The following ELP1 variants were observed in gnomAD, a reference collection of about 807,000 sequenced individuals.
The protein encoded by ELP1 is elongator acetyltransferase complex subunit 1, also known as elongator complex protein 1.
ELP1 carries 131 observed loss-of-function variants against 183.2 expected under a neutral mutation model. The observed-to-expected ratio is 0.72, with a 90% CI of 0.62 to 0.83. The LOEUF (loss-of-function observed/expected upper bound fraction) is 0.83. Ranked by LOEUF, ELP1 falls within the 40% of genes least tolerant of loss-of-function variation. The pLI is 0.00. For missense variants in ELP1, 1,550 were observed against 1,594.9 expected (o/e 0.97, Z 0.48); for synonymous variants, 555 against 569.0 (o/e 0.98, Z 0.35).
intron 3 of ELP1, among the ~76,000 whole-genome samples, chr9:108,928,891 G>C (rs1345573254): frequency 6.6e-6 from 1 of 152,208 alleles, no homozygotes; most frequent in Non-Finnish European, 1.5e-5. Flanking sequence ...AGAGGTGCCA[G>C]ATTTAGACTG....
chr9:108,888,501 C>A (rs1345072753), intron 29 of ELP1, among the ~76,000 whole-genome samples: 1 of 152,130 alleles, frequency 6.6e-6, no homozygotes, highest in African/African-American at 2.4e-5. Flanking sequence ...AAGATAATGA[C>A]ATCTTATCCA....
intron 34 of ELP1, 81 bp from the exon 35 acceptor site, chr9:108,878,230 C>T (rs1257980197): frequency 1.6e-6 from 2 of 1,244,564 alleles, no homozygotes. Context: ...CTATCCAAAG[C>T]CAAAAATTTC....
intron 28 of ELP1, among the ~76,000 whole-genome samples, chr9:108,890,071 C>A (rs529130065): frequency 8.5e-5 from 13 of 152,178 alleles, no homozygotes; most frequent in Non-Finnish European, 1.3e-4. Context: ...AATACTCCCT[C>A]ATAAGACATG....
In ELP1 at chr9:108,882,186, T is replaced by A; in HGVS notation, c.3224A>T (p.Asp1075Val). 5.6e-6 allele frequency: 9 copies of A among 1,612,836 alleles called. No individual in the cohort carries two copies. Among genetic ancestry groups the A allele is most frequent in the Non-Finnish European group, 7.6e-6 (9 of 1,179,704 alleles). ...CAGCAAGAGCACAGCTTCTTCATAA[T>A]CCTGACAAGGGAACAGGAAGAAGAC... ...AAMVLEECAQ[D>V]YEEAVLLLLE... The change falls in exon 30 of 37, where the codon GAT becomes GTT. Residue 1075 changes from aspartate (D) to valine (V), a missense_variant and splice_region_variant. Asp to Val is a radical substitution (Grantham distance 152, BLOSUM62 -3). Transcript: ENST00000374647.
chr9:108,883,995 A>C (rs1828027965), intron 29 of ELP1, among the ~76,000 whole-genome samples: 1 of 152,044 alleles, frequency 6.6e-6, no homozygotes, highest in African/African-American at 2.4e-5. Flanking sequence ...TTGTCAAATT[A>C]GATTTAAAAA....
intron 6 of ELP1, 44 bp downstream of exon 6, chr9:108,922,798 C>T (rs762381966): frequency 3.4e-6 from 5 of 1,466,436 alleles, no homozygotes; most frequent in Non-Finnish European, 3.8e-6. Flanking sequence ...GGCAAACTTA[C>T]ATTTGTTCCA....
In ELP1 at chr9:108,931,045, G is replaced by A. The variant is rs1381472784; in HGVS notation, c.102C>T (p.Leu34=). ...FSLRTEQGTV[L]IGSEHGLIEV... is the part of the protein sequence containing the mutation. ...CTATCAGGCCATGTTCTGAACCAAT[G>A]AGCACCGTCCCCTGTTCAGTTCGGA... The change falls in exon 2 of 37, where the codon CTC becomes CTT. Residue 34 remains leucine (L), a synonymous_variant. Coordinates refer to ENST00000374647, the MANE Select transcript of ELP1 (RefSeq NM_003640.5). 3.1e-6 allele frequency: 5 copies of A among 1,613,980 alleles called. No homozygotes were observed. Among genetic ancestry groups the A allele is most frequent in the South Asian group, 1.1e-5 (1 of 91,088 alleles).
intron 25 of ELP1, 143 bp from the exon 26 acceptor site, chr9:108,894,209 T>TA (rs1406486282): frequency 3.9e-6 from 2 of 508,864 alleles, no homozygotes; most frequent in Non-Finnish European, 6.8e-6. Context: ...ATATAATATA[T>TA]AAAATCAAAC....
intron 1 of ELP1, among the ~76,000 whole-genome samples, chr9:108,931,519 G>A (rs1485411507): frequency 1.3e-5 from 2 of 152,130 alleles, no homozygotes; most frequent in African/African-American, 4.8e-5. Flanking sequence ...ACAAATGAAT[G>A]GGGAAACATT....
intron 29 of ELP1, among the ~76,000 whole-genome samples, chr9:108,884,846 A>G (rs1054112687): frequency 9.9e-5 from 15 of 152,240 alleles, no homozygotes; most frequent in African/African-American, 2.6e-4. Context: ...TTTGGGAGGC[A>G]GAGGTGGAGG....
chr9:108,919,207 A>T, intron 7 of ELP1, 46 bp downstream of exon 7: 2 of 1,362,312 alleles, frequency 1.5e-6, no homozygotes, highest in East Asian at 2.5e-5. Context: ...AATTTTAATA[A>T]GATAAAAATT....
At chr9:108,889,438 A>G in intron 28 of ELP1, 45 bp from the exon 29 acceptor site, 1 of 1,545,368 alleles carries the variant, frequency 6.5e-7, no homozygotes, top group Non-Finnish European at 8.9e-7. Context: ...TTAAACAGAT[A>G]CTTTAGCTCA....
chr9:108,933,149 G>C (rs1830054437), intron 1 of ELP1, among the ~76,000 whole-genome samples: 1 of 152,056 alleles, frequency 6.6e-6, no homozygotes, highest in Admixed American at 6.5e-5. Context: ...CATCAAATGC[G>C]ACCTGGAAAG....
At chr9:108,931,348 T>C (rs1432320415) in intron 1 of ELP1, 147 bp from the exon 2 acceptor site, 3 of 582,966 alleles carry the variant, frequency 5.1e-6, no homozygotes, top group African/African-American at 1.9e-5. Context: ...CATGTATGGA[T>C]TATAGCAGCA....
intron 29 of ELP1, among the ~76,000 whole-genome samples, chr9:108,886,854 G>A (rs1199435478): frequency 6.6e-6 from 1 of 151,312 alleles, no homozygotes; most frequent in Non-Finnish European, 1.5e-5. Context: ...GTGGCATGCT[G>A]GATTTGTCAC....
chr9:108,883,738 A>C (rs1434242809), intron 29 of ELP1, among the ~76,000 whole-genome samples: 1 of 152,188 alleles, frequency 6.6e-6, no homozygotes, highest in African/African-American at 2.4e-5. Flanking sequence ...AATGATATTT[A>C]TTATAAATCC....
intron 27 of ELP1, among the ~76,000 whole-genome samples, chr9:108,892,091 A>C (rs1828362471): frequency 6.6e-6 from 1 of 152,212 alleles, no homozygotes. Flanking sequence ...CCCTGCCCTT[A>C]AGGAGCCCAC....
chr9:108,875,652 T>TG (rs1313829773), intron 35 of ELP1: 1 of 365,046 alleles, frequency 2.7e-6, no homozygotes, highest in East Asian at 8.3e-5. Context: ...CTCAGCACTT[T>TG]GGGAGGCCAA....
chr9:108,895,773 AGT>A (rs1828521181), intron 25 of ELP1, among the ~76,000 whole-genome samples: 1 of 152,190 alleles, frequency 6.6e-6, no homozygotes, highest in Admixed American at 6.5e-5. Flanking sequence ...TGGTGTTCAA[AGT>A]TTTTGATCAT....
Sources: allele counts gnomAD v4.1 joint callset (sites outside exome capture counted in the v4.1 genomes callset), GRCh38; gene constraint gnomAD v4.1.1; transcripts MANE v1.5; gene names NCBI Gene and HGNC (gene_info 2026-07-23, HGNC 2026-07-21).